The following ADAMTSL4 variants were observed in gnomAD, a reference collection of about 807,000 sequenced individuals.
The protein encoded by ADAMTSL4 is ADAMTS-like protein 4.
In ADAMTSL4, 97 loss-of-function variants were observed where a neutral mutation model predicts 122.8. That is an observed-to-expected ratio of 0.79 (90% CI 0.67 to 0.93). The LOEUF (loss-of-function observed/expected upper bound fraction) is 0.93. Ranked by LOEUF, ADAMTSL4 falls within the 40% of genes least tolerant of loss-of-function variation. The pLI is 0.00. For synonymous variants in ADAMTSL4, 592 were observed against 568.0 expected (o/e 1.04, Z -0.60); for missense variants, 1,408 against 1,453.5 (o/e 0.97, Z 0.51).
rs750208613 is a variant in ADAMTSL4, at chr1:150,556,743, G to C, written c.1699G>C (p.Gly567Arg). The C allele has an allele frequency of 6.2e-7, 1 of 1,613,852 alleles. No individual in the cohort carries two copies. Among genetic ancestry groups the C allele is most frequent in the Non-Finnish European group, 8.5e-7 (1 of 1,179,820 alleles). ...CCGTCCTCCCAGGGAGGAGGGCAAA[G>C]GGGAGAGTCTGTCGGCTGAAGGCCC... ...YNRPPREEGK[G>R]ESLSAEGPTT... Residue 567 changes from glycine (G) to arginine (R), a missense_variant, in exon 10 of 19, where the codon GGG (glycine) becomes CGG (arginine). Transcript: ENST00000271643. The surrounding 1 kb of genome is among the most constrained non-coding windows in gnomAD (Gnocchi z 4.1).
In ADAMTSL4 at chr1:150,555,460, C is replaced by T. The variant is rs1489877264; in HGVS notation, c.1266C>T (p.Cys422=). 6.2e-7 allele frequency: 1 copy of T among 1,614,018 alleles called. No individual in the cohort carries two copies. Among genetic ancestry groups the T allele is most frequent in the Non-Finnish European group, 8.5e-7 (1 of 1,180,026 alleles). ...VQGSQRCELN[C]RPRGFRFYVR... ...GCTCCCAGCGCTGTGAACTGAACTGCCGGCCCCGTGGCTTCCGCTTCTATG... is the reference window on the plus strand; with the variant it reads ...GCTCCCAGCGCTGTGAACTGAACTGTCGGCCCCGTGGCTTCCGCTTCTATG... Residue 422 remains cysteine, a synonymous_variant, in exon 8 of 19, where the codon TGC becomes TGT. Transcript: ENST00000271643.
rs1265215798 is a variant in ADAMTSL4 at position 150,559,015 on chromosome 1, G to A, written c.2613G>A (p.Gly871=). Residue 871 remains glycine (G), a synonymous_variant, in exon 16 of 19, where the codon GGG becomes GGA. Coordinates refer to ENST00000271643, the MANE Select transcript of ADAMTSL4 (RefSeq NM_019032.6). The surrounding 1 kb of genome is among the most constrained non-coding windows in gnomAD (Gnocchi z 4.1). ...GIQRRSVVCL[G]SGAALGPGQG... is the part of the protein sequence containing the mutation. ...AGCGGCGCTCTGTGGTCTGCCTTGG[G>A]AGTGGGGCAGCCCTCGGGCCAGGCC... is the stretch of plus-strand genomic sequence containing the variant. 3.1e-6 allele frequency: 5 copies of A among 1,611,836 alleles called. No homozygotes were observed. The South Asian group carries it at 4.4e-5, about 14-fold the overall frequency.
chr1:150,555,638 C>T lies in ADAMTSL4; in HGVS notation c.1371+73C>T, dbSNP rs587732333. On this transcript the variant is annotated intron_variant, in intron 8 of 18. Transcript: ENST00000271643. ...AGACACATGCCCCCATATGCATACA[C>T]ATGTACACACATATGTATGAACACA... 1,925 of 1,524,410 alleles carry T rather than the reference C, an allele frequency of 1.3e-3. 25 individuals are homozygous for T. In the African/African-American group the frequency reaches 0.028, roughly 22 times the overall value. The allele number at this position is 1,524,410 out of a possible 1,614,324, so 94.4% of individuals were successfully genotyped here. A position where few individuals can be genotyped will look rare whatever the true frequency, so the allele number is the denominator to read the frequency against.
Position 150,560,078 on chromosome 1 carries a change from G to T in ADAMTSL4, c.3107G>T (p.Ser1036Ile). 1.2e-6 allele frequency: 2 copies of T among 1,614,092 alleles called. No homozygotes were observed. Among genetic ancestry groups the T allele is most frequent in the Non-Finnish European group, 1.7e-6 (2 of 1,180,020 alleles). Residue 1036 changes from serine to isoleucine, a missense_variant, in exon 19 of 19, where the codon AGC becomes ATC. By Grantham distance (142) the Ser-to-Ile change is moderately radical. Transcript: ENST00000271643. ...SQRPDDQCKD[S>I]SPHCPLVVQA... ...TCCCCAGATGATCAATGCAAGGACA[G>T]CTCTCCACATTGCCCCCTGGTGGTA...
rs760448489 is a variant in ADAMTSL4 at position 150,554,511 on chromosome 1, G to A, written c.1234+44G>A. The stretch of plus-strand genomic sequence containing the variant: ...CCCTGGGCAGTGGTGGCTTGGAATT[G>A]GGGATGAAGGGGAGAGGAGATACCT... On this transcript the variant is annotated intron_variant, in intron 7 of 18. Transcript: ENST00000271643. This position sits in a 1 kb window ranked among gnomAD's most constrained non-coding sequence, Gnocchi z 4.0. 1 of 1,611,658 alleles carries A rather than the reference G, an allele frequency of 6.2e-7. No individual in the cohort carries two copies. Among genetic ancestry groups the A allele is most frequent in the African/African-American group, 1.3e-5 (1 of 74,812 alleles).
chr1:150,549,468 G>A lies in ADAMTSL4; in HGVS notation c.-190G>A, dbSNP rs1199272049. The A allele has an allele frequency of 1.3e-5, 2 of 152,196 alleles. No individual in the cohort carries two copies. The highest frequency in any genetic ancestry group is 2.9e-5 in the Non-Finnish European group (2 of 68,008). 9.4% of individuals were successfully genotyped at this position (152,196 alleles called of 1,614,324 possible). A position where few individuals can be genotyped will look rare whatever the true frequency, so the allele number is the denominator to read the frequency against. The stretch of plus-strand genomic sequence containing the variant: ...TGGAGAGAGCGCCTGGGCGCAGAAG[G>A]GTTAACGGGCCACCGGGGGCTCGCA... On this transcript the variant is annotated 5_prime_UTR_variant, in exon 1 of 19. Transcript: ENST00000271643. This position sits in a 1 kb window ranked among gnomAD's most constrained non-coding sequence, Gnocchi z 5.0.
In ADAMTSL4 at chr1:150,552,696, C is replaced by T; in HGVS notation, c.78+96C>T. 1 of 1,480,292 alleles carries T rather than the reference C, an allele frequency of 6.8e-7. No homozygotes were observed. 91.7% of individuals were successfully genotyped at this position (1,480,292 alleles called of 1,614,324 possible). On this transcript the variant is annotated intron_variant, in intron 4 of 18. Transcript: ENST00000271643. The surrounding 1 kb of genome is among the most constrained non-coding windows in gnomAD (Gnocchi z 4.0). ...ATCTCTCCAGGCCACGCCTCCATTC[C>T]CCACAGCCCACCCACCTCCCCTGCC...
Position 150,554,015 on chromosome 1 carries a change from C to T in ADAMTSL4, c.1024C>T (p.Leu342=). The T allele has an allele frequency of 2.5e-6, 4 of 1,611,736 alleles. No individual in the cohort carries two copies. The highest frequency in any genetic ancestry group is 3.4e-6 in the Non-Finnish European group (4 of 1,179,926). ...PQHPGAWLPL[L]SNGPHASSLW... ...GCACCCGGGCGCCTGGCTGCCCCTG[C>T]TGAGCAACGGCCCCCATGCCAGCTC... Residue 342 remains leucine (L), a synonymous_variant, in exon 6 of 19, where the codon CTG becomes TTG. Coordinates refer to ENST00000271643, the MANE Select transcript of ADAMTSL4 (RefSeq NM_019032.6). This position sits in a 1 kb window ranked among gnomAD's most constrained non-coding sequence, Gnocchi z 4.0.
Position 150,559,957 on chromosome 1 carries a change from GGGA to G in ADAMTSL4, c.3088+57_3088+59del, listed in dbSNP as rs1359830197. 1.2e-6 allele frequency: 2 copies of G among 1,613,674 alleles called. No homozygotes were observed. The highest frequency in any genetic ancestry group is 2.7e-5 in the African/African-American group (2 of 74,920). On this transcript the variant is annotated intron_variant, in intron 18 of 18. Coordinates refer to ENST00000271643, the MANE Select transcript of ADAMTSL4 (RefSeq NM_019032.6). This position sits in a 1 kb window ranked among gnomAD's most constrained non-coding sequence, Gnocchi z 4.1. ...CAATACAGTGGATTAGCTGAAGTAT[GGGA>G]GGAGATGAGAAAGGACCAGTGGGAA...
In ADAMTSL4 at chr1:150,553,653, T is replaced by C; in HGVS notation, c.662T>C (p.Val221Ala). 6.2e-7 allele frequency: 1 copy of C among 1,613,276 alleles called. No homozygotes were observed. The highest frequency in any genetic ancestry group is 8.5e-7 in the Non-Finnish European group (1 of 1,179,804). Reference sequence around the variant, plus strand: ...GAGCTCCCTCCCACAGAACTGTCTGTCCACACCCCATCCCCCCAAGCAGAA... The same window carrying C: ...GAGCTCCCTCCCACAGAACTGTCTGCCCACACCCCATCCCCCCAAGCAGAA... ...QTELPPTELS[V>A]HTPSPQAEPL... Residue 221 changes from valine to alanine, a missense_variant, in exon 6 of 19, where the codon GTC becomes GCC. Coordinates refer to ENST00000271643, the MANE Select transcript of ADAMTSL4 (RefSeq NM_019032.6).
chr1:150,555,301 C>T (rs1043507733), intron 7 of ADAMTSL4, 128 bp from the exon 8 acceptor site: 46 of 1,244,194 alleles, frequency 3.7e-5, no homozygotes, highest in Non-Finnish European at 4.8e-5. Context: ...ACCACCTCAG[C>T]TTGTGCTGTT....
At position 150,554,505 on chromosome 1, in the gene ADAMTSL4, G is replaced by A; in HGVS notation, c.1234+38G>A. 1 of 1,613,202 alleles carries A rather than the reference G, an allele frequency of 6.2e-7. No homozygotes were observed. The highest frequency in any genetic ancestry group is 8.5e-7 in the Non-Finnish European group (1 of 1,179,596). On this transcript the variant is annotated intron_variant, in intron 7 of 18. Transcript: ENST00000271643. The surrounding 1 kb of genome is among the most constrained non-coding windows in gnomAD (Gnocchi z 4.0). ...GCTCACCCCTGGGCAGTGGTGGCTT[G>A]GAATTGGGGATGAAGGGGAGAGGAG... is the stretch of plus-strand genomic sequence containing the variant.
intron 18 of ADAMTSL4, 28 bp from the exon 19 acceptor site, chr1:150,560,030 CTT>C (rs1429720581): frequency 1.9e-6 from 3 of 1,613,934 alleles, no homozygotes; most frequent in East Asian, 2.2e-5. Context: ...TGGTGACTCT[CTT>C]GTGCCCACTG....
intron 5 of ADAMTSL4, 36 bp from the exon 6 acceptor site, chr1:150,553,390 C>A: frequency 1.2e-6 from 2 of 1,610,348 alleles, no homozygotes; most frequent in South Asian, 2.2e-5. Context: ...CAGAGGTGGT[C>A]AGAGCTGTGC....
At chr1:150,551,080 G>C (rs1016781532) in intron 2 of ADAMTSL4, 13 of 446,082 alleles carry the variant, frequency 2.9e-5, no homozygotes, top group African/African-American at 2.4e-4. Flanking sequence ...GGCAAAGAGA[G>C]TCAGGCTTGG....
In ADAMTSL4 at chr1:150,558,050, G is replaced by A; in HGVS notation, c.2283G>A (p.Val761=). ...RQEFGGGGSS[V]PPERCGHLPR... ...AATTTGGGGGGGGTGGCTCCTCGGT[G>A]CCCCCGGAGCGCTGTGGACATCTCC... The change falls in exon 14 of 19, where the codon GTG becomes GTA. Residue 761 remains valine (V), a synonymous_variant. Transcript: ENST00000271643. 1 of 1,612,922 alleles carries A rather than the reference G, an allele frequency of 6.2e-7. No homozygotes were observed. The highest frequency in any genetic ancestry group is 2.2e-5 in the East Asian group (1 of 44,884).
In ADAMTSL4 at chr1:150,552,667, C is replaced by G. The variant is rs1296478727; in HGVS notation, c.78+67C>G. 2 of 1,549,884 alleles carry G rather than the reference C, an allele frequency of 1.3e-6. No homozygotes were observed. The highest frequency in any genetic ancestry group is 2.7e-5 in the African/African-American group (2 of 73,156). On this transcript the variant is annotated intron_variant, in intron 4 of 18. Transcript: ENST00000271643. This position sits in a 1 kb window ranked among gnomAD's most constrained non-coding sequence, Gnocchi z 4.0. ...CCTTTCATCTCCCCCTAGGCTCCCA[C>G]CCCATCTCTCCAGGCCACGCCTCCA...
rs587737690 is a variant in ADAMTSL4, at chr1:150,557,415, C to T, written c.2048-79C>T. 121 of 1,606,850 alleles carry T rather than the reference C, an allele frequency of 7.5e-5. No individual in the cohort carries two copies. In the African/African-American group the frequency reaches 7.7e-4, roughly 10 times the overall value. ...TCCCGCATCCTGGATTGTGGGGCCA[C>T]GCCCGACCCTGCGTCTGGGACACCA... is the stretch of plus-strand genomic sequence containing the variant. On this transcript the variant is annotated intron_variant, in intron 12 of 18. Transcript: ENST00000271643.
At chr1:150,555,768 T>C (rs1672015118) in intron 8 of ADAMTSL4, among the ~76,000 whole-genome samples, 2 of 151,344 alleles carry the variant, frequency 1.3e-5, no homozygotes, top group African/African-American at 2.4e-5. Context: ...TGCACATGCA[T>C]ATGCAGACAC....
Sources: gnomAD v4.1 joint callset for allele counts (sites outside exome capture counted in the v4.1 genomes callset) on GRCh38, gnomAD v4.1.1 for gene constraint, Gnocchi (gnomAD v3.1) non-coding constraint, MANE v1.5 for transcripts, NCBI Gene and HGNC (gene_info 2026-07-23, HGNC 2026-07-21) for gene names.